GBP7: variants seen among roughly 807,000 people sequenced by gnomAD.
GBP7 encodes guanylate-binding protein 7.
A neutral mutation model predicts 61.3 loss-of-function variants in GBP7; 43 were observed. The observed-to-expected ratio is 0.70, with a 90% CI of 0.55 to 0.91. The LOEUF (loss-of-function observed/expected upper bound fraction) is 0.91, where lower values mean the gene tolerates loss of function less well. Among genes scored for constraint, GBP7 ranks in the 40% least tolerant of loss-of-function variants. The pLI is 0.00. For missense variants in GBP7, 717 were observed against 740.5 expected, an observed-to-expected ratio of 0.97 and a Z score of 0.37; for synonymous variants, 267 against 271.0, an observed-to-expected ratio of 0.99 and a Z score of 0.14.
At chr1:89,141,325 C>T (rs779267508) in intron 9 of GBP7, among the ~76,000 whole-genome samples, 1 of 152,108 alleles carries the variant, frequency 6.6e-6, no homozygotes, top group Non-Finnish European at 1.5e-5. Context: ...TGAATTCTGT[C>T]ACTAGCCATG....
In GBP7 at chr1:89,147,569, T is replaced by C. The variant is rs1315288405; in HGVS notation, c.1363A>G (p.Lys455Glu). 1.9e-6 allele frequency: 3 copies of C among 1,612,358 alleles called. No individual in the cohort carries two copies. The highest frequency in any genetic ancestry group is 2.5e-6 in the Non-Finnish European group (3 of 1,178,476). ...CCCCTTCTCCCCTTATTCCTCACCT[T>C]AACTCCTTTTCTGGGCACTAGTGTA... is the stretch of plus-strand genomic sequence containing the variant. ...DYTLVPRKGV[K>E]ADEVLQSFLQ... Residue 455 changes from lysine (K) to glutamate (E), a missense_variant and splice_region_variant, in exon 8 of 11, where the codon AAG (lysine) becomes GAG (glutamate). By Grantham distance (56) the Lys-to-Glu change is moderately conservative. This residue lies in a region of GBP7 where 312 missense variants were observed against 310.1 expected (regional missense o/e 1.01). Coordinates refer to ENST00000294671, the MANE Select transcript of GBP7 (RefSeq NM_207398.3).
intron 8 of GBP7, among the ~76,000 whole-genome samples, chr1:89,146,496 C>A (rs1682067249): frequency 6.6e-6 from 1 of 152,060 alleles, no homozygotes; most frequent in Admixed American, 6.6e-5. Flanking sequence ...AGGCAACATA[C>A]AGAATAGAAC....
chr1:89,140,055 A>G (rs1207519222), intron 9 of GBP7, among the ~76,000 whole-genome samples: 1 of 152,080 alleles, frequency 6.6e-6, no homozygotes, highest in Non-Finnish European at 1.5e-5. Flanking sequence ...ATGTCCAACA[A>G]CGATAGACTG....
chr1:89,152,273 A>G lies in GBP7; in HGVS notation c.620T>C (p.Ile207Thr), dbSNP rs1476992117. Residue 207 changes from isoleucine (I) to threonine (T), a missense_variant, in exon 5 of 11, where the codon ATT (isoleucine) becomes ACT (threonine). Physicochemically the swap from Ile to Thr is moderately conservative, Grantham distance 89 (BLOSUM62 -1). Transcript: ENST00000294671. ...DEYLENALKL[I>T]SGKNPQIQNS... is the part of the protein sequence containing the mutation. The stretch of plus-strand genomic sequence containing the variant: ...TCTAGGCCATGCTCTGATACCTGAA[A>G]TCAGCTTCAAGGCATTCTCCAGGTA... 6.8e-6 allele frequency: 11 copies of G among 1,613,710 alleles called. No individual in the cohort carries two copies. The highest frequency in any genetic ancestry group is 9.3e-6 in the Non-Finnish European group (11 of 1,179,686).
chr1:89,172,812 G>A (rs1647642716), intron 1 of GBP7, among the ~76,000 whole-genome samples: 1 of 149,408 alleles, frequency 6.7e-6, no homozygotes, highest in African/African-American at 2.5e-5. Context: ...TTCTTTTTGT[G>A]GTGTTTGACT....
intron 1 of GBP7, 92 bp from the exon 2 acceptor site, chr1:89,172,046 G>T: frequency 1.1e-6 from 1 of 901,080 alleles, no homozygotes; most frequent in South Asian, 1.7e-5. Context: ...TTCTATTCTT[G>T]AACATTGTTT....
intron 3 of GBP7, among the ~76,000 whole-genome samples, chr1:89,158,341 T>C (rs1326287025): frequency 2.6e-5 from 4 of 152,206 alleles, no homozygotes; most frequent in Admixed American, 6.5e-5. Context: ...TTCAACATAG[T>C]GTTGGAAGTT....
At chr1:89,162,559 G>T (rs1647307535) in intron 3 of GBP7, among the ~76,000 whole-genome samples, 1 of 152,142 alleles carries the variant, frequency 6.6e-6, no homozygotes, top group Non-Finnish European at 1.5e-5. Flanking sequence ...TTGGCTTTCA[G>T]CTTGACTGTG....
At chr1:89,175,030 A>C (rs1373585510) in intron 1 of GBP7, among the ~76,000 whole-genome samples, 1 of 152,202 alleles carries the variant, frequency 6.6e-6, no homozygotes, top group Admixed American at 6.5e-5. Flanking sequence ...AAAGGAGTGA[A>C]AAGCCTTCTT....
In GBP7 at chr1:89,163,694, T is replaced by A. The variant is rs374119131; in HGVS notation, c.318+1037A>T. 3.3e-5 allele frequency among the ~76,000 whole-genome samples: 5 copies of A among 151,620 alleles called. 1 individual carries two copies. Among genetic ancestry groups the A allele is most frequent in the African/African-American group, 1.2e-4 (5 of 41,398 alleles). On this transcript the variant is annotated intron_variant, in intron 3 of 10. Coordinates refer to ENST00000294671, the MANE Select transcript of GBP7 (RefSeq NM_207398.3). ...CTGCACTTAATACTATAAAGCAAAA[T>A]TATCTAGAATTAGCCAATTTGCAAA...
At chr1:89,151,022 A>G (rs998025359) in intron 5 of GBP7, among the ~76,000 whole-genome samples, 1 of 152,252 alleles carries the variant, frequency 6.6e-6, no homozygotes, top group African/African-American at 2.4e-5. Flanking sequence ...CAAATTATAT[A>G]TCCAATACTT....
intron 3 of GBP7, among the ~76,000 whole-genome samples, chr1:89,162,940 A>G (rs552571988): frequency 3.3e-5 from 5 of 152,274 alleles, no homozygotes; most frequent in Admixed American, 1.3e-4. Context: ...TGTTCCTTCA[A>G]TACCTAGTTT....
At chr1:89,155,287 G>A (rs1447759432) in intron 3 of GBP7, among the ~76,000 whole-genome samples, 3 of 152,206 alleles carry the variant, frequency 2.0e-5, no homozygotes, top group Non-Finnish European at 4.4e-5. Context: ...AAAAATCAGA[G>A]CACCCCTTCT....
intron 3 of GBP7, among the ~76,000 whole-genome samples, chr1:89,162,697 T>C (rs575044649): frequency 6.6e-6 from 1 of 152,344 alleles, no homozygotes; most frequent in South Asian, 2.1e-4. Context: ...TATAATCATG[T>C]CATTGACAAA....
intron 3 of GBP7, among the ~76,000 whole-genome samples, chr1:89,163,464 C>G (rs534726668): frequency 6.7e-6 from 1 of 149,292 alleles, no homozygotes; most frequent in South Asian, 2.1e-4. Context: ...TTTGTCTGTT[C>G]AGGGATTCAA....
intron 4 of GBP7, 26 bp downstream of exon 4, chr1:89,152,633 CATAAAACCT>C (rs1359175424): frequency 6.3e-7 from 1 of 1,595,580 alleles, no homozygotes; most frequent in Admixed American, 1.7e-5. Flanking sequence ...CCCTAAACTC[CATAAAACCT>C]GGCTCTTCAC....
At chr1:89,157,067 A>C (rs1436677971) in intron 3 of GBP7, among the ~76,000 whole-genome samples, 2 of 152,204 alleles carry the variant, frequency 1.3e-5, no homozygotes, top group Non-Finnish European at 2.9e-5. Flanking sequence ...AAACCACTCA[A>C]CTACATGGAA....
chr1:89,150,632 A>T, intron 5 of GBP7, 57 bp from the exon 6 acceptor site: 1 of 1,569,536 alleles, frequency 6.4e-7, no homozygotes, highest in Non-Finnish European at 8.7e-7. Flanking sequence ...GAGCCTGAAG[A>T]TTTTCATTTC....
At chr1:89,158,189 T>G (rs1682359268) in intron 3 of GBP7, among the ~76,000 whole-genome samples, 1 of 152,152 alleles carries the variant, frequency 6.6e-6, no homozygotes, top group African/African-American at 2.4e-5. Context: ...CTAAATAAAC[T>G]AGGTGTTGAT....
Sources: gnomAD v4.1 joint callset for allele counts (sites outside exome capture counted in the v4.1 genomes callset) on GRCh38, gnomAD v4.1.1 for gene constraint, gnomAD v4.1.1 regional missense constraint, MANE v1.5 for transcripts, NCBI Gene and HGNC (gene_info 2026-07-23, HGNC 2026-07-21) for gene names.